The following DMD variants were observed in gnomAD, a reference collection of about 807,000 sequenced individuals.
DMD encodes the protein dystrophin, also known as mutant dystrophin.
In DMD, 63 loss-of-function variants were observed where a neutral mutation model predicts 330.1. The observed-to-expected ratio is 0.19, with a 90% CI of 0.16 to 0.24. The LOEUF (loss-of-function observed/expected upper bound fraction) is 0.24, where lower values mean the gene tolerates loss of function less well. Ranked by LOEUF, DMD falls within the 10% of genes least tolerant of loss-of-function variation. The pLI is 1.00. For missense variants in DMD, 3,344 were observed against 2,684.1 expected, an observed-to-expected ratio of 1.25 and a Z score of -5.43; for synonymous variants, 1,223 against 959.8, an observed-to-expected ratio of 1.27 and a Z score of -5.07.
chrX:32,647,882 G>A (rs1176291229), intron 9 of DMD, among the ~76,000 whole-genome samples: 3 of 111,568 alleles, frequency 2.7e-5, no homozygotes, highest in Non-Finnish European at 3.8e-5. Context: ...TCGAAAATAC[G>A]CCCCCAAAAA....
intron 49 of DMD, among the ~76,000 whole-genome samples, chrX:31,833,050 G>A (rs905384520): frequency 1.8e-5 from 2 of 110,687 alleles, no homozygotes; most frequent in African/African-American, 6.6e-5. Flanking sequence ...GCTAAATGGG[G>A]TGCTATTGAG....
intron 30 of DMD, among the ~76,000 whole-genome samples, chrX:32,411,291 T>C (rs2098140894): frequency 9.1e-6 from 1 of 110,428 alleles, no homozygotes; most frequent in Admixed American, 9.7e-5. Context: ...CCAACAAACC[T>C]GGCTAATTTT....
upstream of DMD, among the ~76,000 whole-genome samples, chrX:33,216,441 A>G (rs1490669511): frequency 9.0e-6 from 1 of 111,013 alleles, no homozygotes. Flanking sequence ...ACTGGGGACT[A>G]CTAGAGGGGG....
At chrX:32,756,144 C>A (rs1488523388) in intron 7 of DMD, 1 of 112,155 alleles carries the variant, frequency 8.9e-6, no homozygotes, top group Admixed American at 9.5e-5. Flanking sequence ...CATTAAAATG[C>A]ATTTGTTCCA....
intron 41 of DMD, among the ~76,000 whole-genome samples, chrX:32,319,474 T>G (rs909931234): frequency 2.7e-5 from 3 of 111,840 alleles, no homozygotes; most frequent in African/African-American, 9.7e-5. Context: ...AAGATAGATA[T>G]GTGGTTACAA....
chrX:31,711,456 C>CT (rs775204655), intron 52 of DMD, among the ~76,000 whole-genome samples: 187 of 110,463 alleles, frequency 1.7e-3, no homozygotes, highest in Middle Eastern at 0.014. Flanking sequence ...CTCTACAAAT[C>CT]TTTTTTTTTA....
intron 13 of DMD, among the ~76,000 whole-genome samples, chrX:32,581,594 A>G (rs1412016169): frequency 2.7e-5 from 3 of 112,153 alleles, no homozygotes; most frequent in Non-Finnish European, 5.6e-5. Flanking sequence ...AAAACGGAAA[A>G]TCTGGAAAAA....
At chrX:33,295,179 A>T (rs2053566713) in intron 1 of DMD, among the ~76,000 whole-genome samples, 1 of 111,466 alleles carries the variant, frequency 9.0e-6, no homozygotes, top group Non-Finnish European at 1.9e-5. Context: ...ATAAATGTTC[A>T]AAACTCATCA....
At chrX:31,759,584 GAC>G (rs1323157637) in intron 51 of DMD, among the ~76,000 whole-genome samples, 4 of 111,679 alleles carry the variant, frequency 3.6e-5, no homozygotes, top group Non-Finnish European at 1.9e-5. Context: ...CTTTTTAGAA[GAC>G]AGTTTGAGTA....
At chrX:33,169,244 G>A (rs1307095300) in intron 1 of DMD, among the ~76,000 whole-genome samples, 1 of 111,553 alleles carries the variant, frequency 9.0e-6, no homozygotes, top group Non-Finnish European at 1.9e-5. Flanking sequence ...TACTAGACAC[G>A]AAGGCCTCTG....
At position 31,391,546 on chromosome X, in the gene DMD, T is replaced by C. The variant is rs187501159; in HGVS notation, c.9085-42912A>G. On this transcript the variant is annotated intron_variant, in intron 60 of 78. Transcript: ENST00000357033. ...GACAATATGCCGGGTGTTTGGACTA[T>C]GAAGATTTATAATGAAAGGTCCTTG... is the stretch of plus-strand genomic sequence containing the variant. Among the ~76,000 whole-genome samples, 357 of 111,549 alleles carry C rather than the reference T, an allele frequency of 3.2e-3. 1 individual carries two copies. The highest frequency in any genetic ancestry group is 0.011 in the African/African-American group (341 of 30,725).
intron 1 of DMD, among the ~76,000 whole-genome samples, chrX:33,146,908 C>T (rs1188311732): frequency 1.8e-5 from 2 of 110,473 alleles, no homozygotes; most frequent in East Asian, 5.7e-4. Context: ...CTGCAACCTC[C>T]GCCTCCCAGG....
At chrX:32,697,651 C>T (rs191934353) in intron 9 of DMD, among the ~76,000 whole-genome samples, 12 of 111,394 alleles carry the variant, frequency 1.1e-4, no homozygotes, top group East Asian at 2.8e-4. Flanking sequence ...GAAACCATTA[C>T]GGGAATTCAT....
intron 44 of DMD, among the ~76,000 whole-genome samples, chrX:32,070,520 CAT>C (rs779252352): frequency 3.2e-4 from 35 of 110,950 alleles, no homozygotes; most frequent in Admixed American, 2.9e-3. Context: ...CTGCTATAAA[CAT>C]GTGTGTGCAA....
intron 17 of DMD, among the ~76,000 whole-genome samples, chrX:32,543,693 T>C (rs1389254828): frequency 8.9e-6 from 1 of 112,266 alleles, no homozygotes; most frequent in Non-Finnish European, 1.9e-5. Context: ...TTTTGTTAGA[T>C]TTTCTATTAC....
At chrX:33,260,239 T>G (rs2052932492) in intron 1 of DMD, among the ~76,000 whole-genome samples, 1 of 111,599 alleles carries the variant, frequency 9.0e-6, no homozygotes, top group Non-Finnish European at 1.9e-5. Context: ...TGTCAGTGTT[T>G]TGGATTTTGG....
chrX:33,098,955 G>A (rs1411563245), intron 1 of DMD, among the ~76,000 whole-genome samples: 1 of 111,704 alleles, frequency 9.0e-6, no homozygotes, highest in South Asian at 3.8e-4. Context: ...TGCTGAGAAA[G>A]GTAAAAACAC....
chrX:32,277,910 A>T (rs1192739708), intron 43 of DMD, among the ~76,000 whole-genome samples: 2 of 110,892 alleles, frequency 1.8e-5, no homozygotes, highest in African/African-American at 6.5e-5. Flanking sequence ...AGACCTAGAC[A>T]AGCAGGAGCA....
intron 59 of DMD, among the ~76,000 whole-genome samples, chrX:31,446,225 T>G (rs763398913): frequency 1.2e-4 from 14 of 112,362 alleles, no homozygotes; most frequent in Non-Finnish European, 2.1e-4. Context: ...TACAAAACAT[T>G]GTGATAATCA....
Sources: allele counts gnomAD v4.1 joint callset (sites outside exome capture counted in the v4.1 genomes callset), GRCh38; gene constraint gnomAD v4.1.1; transcripts MANE v1.5; gene names NCBI Gene and HGNC (gene_info 2026-07-23, HGNC 2026-07-21).